The following OR9Q1 variants were observed in gnomAD, a reference collection of about 807,000 sequenced individuals.
The protein encoded by OR9Q1 is olfactory receptor 9Q1.
For synonymous variants in OR9Q1, 153 were observed against 148.6 expected, an observed-to-expected ratio of 1.03 and a Z score of -0.22; for missense variants, 374 against 378.8, an observed-to-expected ratio of 0.99 and a Z score of 0.11.
At chr11:58,048,493 A>G (rs1365428224) in intron 1 of OR9Q1, among the ~76,000 whole-genome samples, 1 of 78,110 alleles carries the variant, frequency 1.3e-5, no homozygotes, top group Non-Finnish European at 2.6e-5. Context: ...TCTACTAAAA[A>G]TACAAAAAAA....
intron 2 of OR9Q1, chr11:58,119,507 G>A (rs1854003928): frequency 9.0e-7 from 1 of 1,113,772 alleles, no homozygotes. Flanking sequence ...CAGAATTGAA[G>A]GACAGAATCT....
chr11:58,127,138 C>T (rs1159207792), intron 2 of OR9Q1, among the ~76,000 whole-genome samples: 6 of 152,000 alleles, frequency 3.9e-5, no homozygotes, highest in African/African-American at 1.2e-4. Flanking sequence ...TTAGTAGAGA[C>T]GGAGTTTCAC....
At chr11:58,112,068 AC>A (rs1255596244) in intron 2 of OR9Q1, among the ~76,000 whole-genome samples, 3 of 151,666 alleles carry the variant, frequency 2.0e-5, no homozygotes, top group African/African-American at 7.3e-5. Context: ...CAGGTGGATC[AC>A]CTGAGGTCAG....
intron 1 of OR9Q1, among the ~76,000 whole-genome samples, chr11:58,054,463 A>G (rs950961553): frequency 6.6e-6 from 1 of 152,170 alleles, no homozygotes; most frequent in Non-Finnish European, 1.5e-5. Context: ...ACCAATACCA[A>G]TACCAATATT....
intron 2 of OR9Q1, among the ~76,000 whole-genome samples, chr11:58,107,108 GTCTT>G (rs1853848102): frequency 7.0e-6 from 1 of 143,698 alleles, no homozygotes; most frequent in Admixed American, 6.9e-5. Context: ...AATGTGGGAT[GTCTT>G]TCTTTTTTTT....
At chr11:58,060,726 T>A (rs1366094549) in intron 2 of OR9Q1, among the ~76,000 whole-genome samples, 1 of 152,028 alleles carries the variant, frequency 6.6e-6, no homozygotes, top group African/African-American at 2.4e-5. Flanking sequence ...TAATTCCAGT[T>A]ACTTGGAAGG....
intron 2 of OR9Q1, among the ~76,000 whole-genome samples, chr11:58,065,445 G>A (rs984750433): frequency 2.6e-5 from 4 of 152,068 alleles, no homozygotes; most frequent in Admixed American, 6.5e-5. Flanking sequence ...CAGACGTGGG[G>A]CAGGTGATGT....
intron 2 of OR9Q1, among the ~76,000 whole-genome samples, chr11:58,113,539 C>G (rs1853922565): frequency 6.6e-6 from 1 of 152,200 alleles, no homozygotes. Context: ...TCAAAAGGTT[C>G]TTGTTGCAAA....
intron 2 of OR9Q1, among the ~76,000 whole-genome samples, chr11:58,097,403 A>C (rs1426479546): frequency 6.6e-6 from 1 of 152,206 alleles, no homozygotes; most frequent in African/African-American, 2.4e-5. Context: ...ATTTAACATT[A>C]TAAGAAACTG....
intron 2 of OR9Q1, among the ~76,000 whole-genome samples, chr11:58,099,588 C>T (rs958740127): frequency 1.3e-5 from 2 of 151,936 alleles, no homozygotes; most frequent in African/African-American, 4.8e-5. Context: ...TATTTTCAAC[C>T]CATTTGTGTC....
At chr11:58,031,566 T>C in intron 1 of OR9Q1, 1 of 1,614,086 alleles carries the variant, frequency 6.2e-7, no homozygotes. Flanking sequence ...GTGGATTTCC[T>C]GGTGTCTCTG....
intron 2 of OR9Q1, among the ~76,000 whole-genome samples, chr11:58,069,784 C>T (rs765618200): frequency 2.6e-5 from 4 of 151,242 alleles, no homozygotes; most frequent in African/African-American, 4.9e-5. Context: ...GGTGGGAGAT[C>T]GCTTGAGCCC....
intron 2 of OR9Q1, among the ~76,000 whole-genome samples, chr11:58,092,826 A>T (rs1206038737): frequency 6.6e-6 from 1 of 152,212 alleles, no homozygotes; most frequent in East Asian, 1.9e-4. Flanking sequence ...AAATACAACT[A>T]GAATTTTGAG....
At chr11:58,034,030 G>A (rs2119920525) in intron 1 of OR9Q1, among the ~76,000 whole-genome samples, 1 of 143,010 alleles carries the variant, frequency 7.0e-6, no homozygotes, top group South Asian at 2.3e-4. Flanking sequence ...CCCCTAGGAT[G>A]TTGGCTAAGA....
rs1565055144 is a variant in OR9Q1, at chr11:58,034,769, TCTTCCTTCCCTCCCTCCTTTCTC to T, written c.-93+10667_-93+10689del. ...TTCCTTCCTTCCTTCCTTCCTTCCT[TCTTCCTTCCCTCCCTCCTTTCTC>T]CCTTCCTTCCTTCCTTCCTTCCTTC... On this transcript the variant is annotated intron_variant, in intron 1 of 2. Coordinates refer to ENST00000335397, the MANE Select transcript of OR9Q1 (RefSeq NM_001005212.4). Among the ~76,000 whole-genome samples, 35 of 19,610 alleles carry T rather than the reference TCTTCCTTCCCTCCCTCCTTTCTC, an allele frequency of 1.8e-3. 2 individuals carry two copies. The highest frequency in any genetic ancestry group is 5.4e-3 in the East Asian group (2 of 368). 12.9% of individuals were successfully genotyped at this position (19,610 alleles called of 152,430 possible).
rs1057327021 is a variant in OR9Q1, at chr11:58,088,587, T to C, written c.-15+32640T>C. Among the ~76,000 whole-genome samples the C allele has an allele frequency of 4.6e-5, 7 of 152,024 alleles. No homozygotes were observed. In the South Asian group the frequency reaches 1.2e-3, roughly 27 times the overall value. On this transcript the variant is annotated intron_variant, in intron 2 of 2. Transcript: ENST00000335397. ...CCAATGACCAGTGACGATGAGCTTT[T>C]GTTTATAGGTTTGTTGGCCGCATAA...
At chr11:58,079,608 G>A (rs575400067) in intron 2 of OR9Q1, among the ~76,000 whole-genome samples, 1 of 152,258 alleles carries the variant, frequency 6.6e-6, no homozygotes, top group South Asian at 2.1e-4. Flanking sequence ...TGTCATGCCA[G>A]TTGTAGCTCT....
At chr11:58,046,288 G>A (rs1387747212) in intron 1 of OR9Q1, among the ~76,000 whole-genome samples, 1 of 152,178 alleles carries the variant, frequency 6.6e-6, no homozygotes. Context: ...TCCTCTCAGG[G>A]TGGGATGATT....
At chr11:58,131,485 G>GTA (rs1350860366) in intron 2 of OR9Q1, among the ~76,000 whole-genome samples, 13 of 152,110 alleles carry the variant, frequency 8.5e-5, no homozygotes, top group Middle Eastern at 3.4e-3. Context: ...TTAGAAGGAT[G>GTA]TATATCACAG....
Sources: gnomAD v4.1 joint callset for allele counts (sites outside exome capture counted in the v4.1 genomes callset) on GRCh38, gnomAD v4.1.1 for gene constraint, MANE v1.5 for transcripts, NCBI Gene and HGNC (gene_info 2026-07-23, HGNC 2026-07-21) for gene names.